The following ROBO2 variants were observed in gnomAD, a reference collection of about 807,000 sequenced individuals.
ROBO2 encodes the protein roundabout homolog 2.
ROBO2 carries 53 observed loss-of-function variants against 160.8 expected under a neutral mutation model. The ratio of observed to expected loss-of-function variants is 0.33; its 90% confidence interval spans 0.26 to 0.41. The LOEUF (loss-of-function observed/expected upper bound fraction) is 0.41, where lower values mean the gene tolerates loss of function less well. ROBO2 is among the 10% of genes least tolerant of loss of function. ROBO2 has a pLI of 1.00. For missense variants in ROBO2, 1,577 were observed against 1,722.4 expected (o/e 0.92, Z 1.49); for synonymous variants, 664 against 611.7 (o/e 1.09, Z -1.26).
At chr3:77,534,391 GC>G (rs1244578913) in intron 6 of ROBO2, among the ~76,000 whole-genome samples, 2 of 151,852 alleles carry the variant, frequency 1.3e-5, no homozygotes, top group Admixed American at 6.6e-5. Context: ...AAATACTTAG[GC>G]CCAAAACGGT....
intron 2 of ROBO2, among the ~76,000 whole-genome samples, chr3:77,364,915 CA>C: frequency 6.6e-6 from 1 of 152,080 alleles, no homozygotes; most frequent in East Asian, 1.9e-4. Flanking sequence ...CAAGGATAAG[CA>C]GTATACCTAG....
chr3:76,768,448 G>A (rs1472389384), intron 2 of ROBO2, among the ~76,000 whole-genome samples: 7 of 151,346 alleles, frequency 4.6e-5, no homozygotes, highest in Non-Finnish European at 1.5e-5. Context: ...TAATCAAGTT[G>A]AAACTAATTT....
intron 2 of ROBO2, among the ~76,000 whole-genome samples, chr3:76,285,070 C>A (rs1455980761): frequency 6.6e-6 from 1 of 152,078 alleles, no homozygotes; most frequent in Non-Finnish European, 1.5e-5. Context: ...AAGGAACAAC[C>A]AAGTTTAATG....
chr3:75,995,561 G>T (rs770691807), intron 2 of ROBO2, among the ~76,000 whole-genome samples: 9 of 152,196 alleles, frequency 5.9e-5, no homozygotes, highest in Non-Finnish European at 1.0e-4. Context: ...TGCTAGGGAA[G>T]TGCAGAAGGG....
chr3:76,566,394 TCA>T (rs2084524345), intron 2 of ROBO2, among the ~76,000 whole-genome samples: 1 of 152,168 alleles, frequency 6.6e-6, no homozygotes, highest in East Asian at 1.9e-4. Context: ...TCACTCACTT[TCA>T]CACCAGGGAT....
At chr3:76,624,165 T>C (rs1251487744) in intron 2 of ROBO2, among the ~76,000 whole-genome samples, 2 of 152,234 alleles carry the variant, frequency 1.3e-5, no homozygotes, top group Non-Finnish European at 1.5e-5. Context: ...ACCATTACAC[T>C]CTTTTATAAG....
At chr3:76,482,064 T>C (rs1206455498) in intron 2 of ROBO2, among the ~76,000 whole-genome samples, 1 of 152,108 alleles carries the variant, frequency 6.6e-6, no homozygotes, top group Admixed American at 6.6e-5. Context: ...AAACACCTGA[T>C]GTGCCAAATC....
At chr3:77,125,213 C>G (rs369900971) in intron 2 of ROBO2, among the ~76,000 whole-genome samples, 1 of 152,208 alleles carries the variant, frequency 6.6e-6, no homozygotes, top group African/African-American at 2.4e-5. Flanking sequence ...ACCATATTAA[C>G]TATAATAGTT....
chr3:77,180,757 A>G (rs1023159422), intron 2 of ROBO2, among the ~76,000 whole-genome samples: 1 of 151,920 alleles, frequency 6.6e-6, no homozygotes, highest in African/African-American at 2.4e-5. Context: ...CTTCCCAGAT[A>G]TTTTTGAAAT....
At chr3:77,108,190 ATG>A (rs931126462) in intron 2 of ROBO2, among the ~76,000 whole-genome samples, 7 of 150,366 alleles carry the variant, frequency 4.7e-5, no homozygotes, top group South Asian at 2.1e-4. Flanking sequence ...ATGCATATAT[ATG>A]TATACACATA....
At chr3:76,956,343 G>A (rs2079254899) in intron 2 of ROBO2, among the ~76,000 whole-genome samples, 1 of 152,078 alleles carries the variant, frequency 6.6e-6, no homozygotes, top group Admixed American at 6.5e-5. Flanking sequence ...GGATCACGAG[G>A]TCAGGAGATT....
chr3:76,384,988 G>T (rs1444940044), intron 2 of ROBO2, among the ~76,000 whole-genome samples: 1 of 152,128 alleles, frequency 6.6e-6, no homozygotes, highest in Admixed American at 6.6e-5. Context: ...AGTGTCTTTT[G>T]TTTTGTTGTT....
At chr3:77,316,698 T>G in intron 2 of ROBO2, 2 of 782,608 alleles carry the variant, frequency 2.6e-6, no homozygotes, top group Admixed American at 3.6e-5. Context: ...CACTAAATTC[T>G]GAAGGTAGCT....
chr3:76,577,491 C>T (rs2085382067), intron 2 of ROBO2, among the ~76,000 whole-genome samples: 1 of 152,104 alleles, frequency 6.6e-6, no homozygotes. Flanking sequence ...CTAGCAGAAA[C>T]TGTCCAAATC....
chr3:77,580,341 A>C lies in ROBO2; in HGVS notation c.2500+223A>C, dbSNP rs141122536. 1.2e-4 allele frequency among the ~76,000 whole-genome samples: 18 copies of C among 152,296 alleles called. 1 individual carries two copies. The highest frequency in any genetic ancestry group is 4.1e-4 in the African/African-American group (17 of 41,572). On this transcript the variant is annotated intron_variant, in intron 16 of 25. Coordinates refer to ENST00000461745, the Ensembl canonical transcript of ROBO2. ...GAGCCTTATTAAAATTGCAATATTT[A>C]AGAGTTTAAATGCTGAAAGGTAGTT...
intron 2 of ROBO2, among the ~76,000 whole-genome samples, chr3:77,185,161 G>A (rs1055751115): frequency 2.0e-5 from 3 of 152,002 alleles, no homozygotes; most frequent in Non-Finnish European, 4.4e-5. Context: ...CATCAAAAAT[G>A]AGGACAGGAG....
intron 2 of ROBO2, among the ~76,000 whole-genome samples, chr3:76,939,978 G>GCTTTTT (rs2078048454): frequency 2.5e-5 from 2 of 81,460 alleles, no homozygotes; most frequent in East Asian, 3.7e-4. Flanking sequence ...AAAGCAACAG[G>GCTTTTT]ATTTTTTTTT....
At chr3:77,013,987 A>G (rs570564513) in intron 2 of ROBO2, among the ~76,000 whole-genome samples, 102 of 152,244 alleles carry the variant, frequency 6.7e-4, no homozygotes, top group African/African-American at 2.4e-3. Flanking sequence ...CATATAGTCA[A>G]CAGACTCTAA....
chr3:76,776,804 C>T (rs1454416630), intron 2 of ROBO2, among the ~76,000 whole-genome samples: 1 of 150,932 alleles, frequency 6.6e-6, no homozygotes, highest in Non-Finnish European at 1.5e-5. Flanking sequence ...TTTCCAATCA[C>T]CCTAGTTAAA....
Sources: allele counts gnomAD v4.1 joint callset (sites outside exome capture counted in the v4.1 genomes callset), GRCh38; gene constraint gnomAD v4.1.1; transcripts MANE v1.5; gene names NCBI Gene and HGNC (gene_info 2026-07-23, HGNC 2026-07-21).